Variants in GALNT13 observed in about 807,000 individuals in gnomAD.
The protein encoded by GALNT13 is UDP-GalNAc:polypeptide N-acetylgalactosaminyltransferase 13.
In GALNT13, 28 loss-of-function variants were observed where a neutral mutation model predicts 64.2. That is an observed-to-expected ratio of 0.44 (90% CI 0.32 to 0.60). The LOEUF (loss-of-function observed/expected upper bound fraction) is 0.60. Among genes scored for constraint, GALNT13 ranks in the 20% least tolerant of loss-of-function variants. GALNT13 has a pLI of 0.05. For missense variants in GALNT13, 577 were observed against 669.8 expected (o/e 0.86, Z 1.53); for synonymous variants, 214 against 224.6 (o/e 0.95, Z 0.42).
chr2:154,004,220 T>A (rs2105229030), intron 3 of GALNT13, among the ~76,000 whole-genome samples: 1 of 152,140 alleles, frequency 6.6e-6, no homozygotes, highest in Admixed American at 6.5e-5. Context: ...TTTTTTGTTT[T>A]TTTTGAGACG....
chr2:153,842,022 G>A, the GALNT13 span, among the ~76,000 whole-genome samples: 2 of 152,086 alleles, frequency 1.3e-5, no homozygotes, highest in African/African-American at 4.8e-5. Context: ...ACAGTGGGTG[G>A]TGGGGAGCAG....
At chr2:153,154,587 A>C in the GALNT13 span, among the ~76,000 whole-genome samples, 1 of 152,090 alleles carries the variant, frequency 6.6e-6, no homozygotes, top group South Asian at 2.1e-4. Flanking sequence ...TGATTTTTGC[A>C]CATTGACTTT....
At chr2:153,663,992 A>G in the GALNT13 span, among the ~76,000 whole-genome samples, 1 of 152,228 alleles carries the variant, frequency 6.6e-6, no homozygotes, top group African/African-American at 2.4e-5. Flanking sequence ...CACAAAGATC[A>G]CATGCTTCAA....
At chr2:154,319,563 G>T (rs1694511227) in intron 9 of GALNT13, among the ~76,000 whole-genome samples, 1 of 151,860 alleles carries the variant, frequency 6.6e-6, no homozygotes, top group Non-Finnish European at 1.5e-5. Context: ...TACTTGGGAA[G>T]CTGAGGCAGG....
chr2:153,461,202 G>A, the GALNT13 span, among the ~76,000 whole-genome samples: 3 of 151,956 alleles, frequency 2.0e-5, no homozygotes, highest in African/African-American at 7.3e-5. Flanking sequence ...GAGAGAAGAG[G>A]GGAAAAATGT....
At chr2:153,358,563 A>G in the GALNT13 span, among the ~76,000 whole-genome samples, 1 of 152,186 alleles carries the variant, frequency 6.6e-6, no homozygotes, top group Non-Finnish European at 1.5e-5. Flanking sequence ...ACCTGTTTGA[A>G]AAATAGCTGA....
At chr2:153,984,022 T>C (rs913605157) in intron 3 of GALNT13, among the ~76,000 whole-genome samples, 3 of 151,948 alleles carry the variant, frequency 2.0e-5, no homozygotes, top group Non-Finnish European at 2.9e-5. Context: ...ATCTTTAATT[T>C]TAAAGTCTCT....
At chr2:154,299,806 A>C (rs1693323070) in intron 8 of GALNT13, among the ~76,000 whole-genome samples, 1 of 151,958 alleles carries the variant, frequency 6.6e-6, no homozygotes, top group Admixed American at 6.6e-5. Flanking sequence ...CTGTCTTTTA[A>C]GGGGGAGGAA....
At chr2:154,021,001 C>T (rs1284962179) in intron 3 of GALNT13, among the ~76,000 whole-genome samples, 5 of 151,976 alleles carry the variant, frequency 3.3e-5, no homozygotes, top group Admixed American at 6.6e-5. Context: ...GTCAAAGATC[C>T]GACAGTTGTA....
chr2:153,404,109 T>C, the GALNT13 span, among the ~76,000 whole-genome samples: 20 of 152,302 alleles, frequency 1.3e-4, no homozygotes, highest in African/African-American at 1.9e-4. Context: ...TGGCAAACCA[T>C]AGTGGCTTGT....
chr2:153,816,237 G>A, the GALNT13 span, among the ~76,000 whole-genome samples: 4 of 152,200 alleles, frequency 2.6e-5, no homozygotes, highest in African/African-American at 4.8e-5. Flanking sequence ...CCGAATCTGA[G>A]GTCATGATGT....
At chr2:154,255,689 A>G (rs1690333140) in intron 7 of GALNT13, among the ~76,000 whole-genome samples, 1 of 152,074 alleles carries the variant, frequency 6.6e-6, no homozygotes, top group Non-Finnish European at 1.5e-5. Flanking sequence ...TTTAGATTTC[A>G]TGATTGAGAT....
At chr2:154,259,676 T>C (rs1345074819) in intron 8 of GALNT13, among the ~76,000 whole-genome samples, 3 of 152,194 alleles carry the variant, frequency 2.0e-5, no homozygotes, top group Non-Finnish European at 4.4e-5. Flanking sequence ...AATTGAGGAA[T>C]AAGTCCTTAC....
intron 4 of GALNT13, among the ~76,000 whole-genome samples, chr2:154,187,442 G>A (rs888338429): frequency 3.3e-5 from 5 of 150,300 alleles, no homozygotes; most frequent in Non-Finnish European, 3.0e-5. Flanking sequence ...GAAACCTCAG[G>A]TGGAATCCAC....
intron 8 of GALNT13, chr2:154,287,304 G>A (rs1252304334): frequency 1.5e-6 from 1 of 668,472 alleles, no homozygotes; most frequent in Non-Finnish European, 2.7e-6. Context: ...GCCATGGCGG[G>A]GACAGTCTGA....
chr2:153,933,795 G>C, intron 2 of GALNT13, among the ~76,000 whole-genome samples: 1 of 152,156 alleles, frequency 6.6e-6, no homozygotes, highest in East Asian at 1.9e-4. Flanking sequence ...GTGGGTCTGT[G>C]ATAACAAATT....
intron 3 of GALNT13, among the ~76,000 whole-genome samples, chr2:153,959,437 G>A (rs1692790991): frequency 6.6e-6 from 1 of 152,118 alleles, no homozygotes; most frequent in South Asian, 2.1e-4. Flanking sequence ...AAATGTAAGA[G>A]TGCACATCAA....
At chr2:153,818,331 G>A in the GALNT13 span, among the ~76,000 whole-genome samples, 2 of 152,178 alleles carry the variant, frequency 1.3e-5, no homozygotes, top group African/African-American at 2.4e-5. Context: ...GCCAGCTGCT[G>A]TATCCCCAAT....
chr2:154,037,307 A>G (rs767981816), intron 3 of GALNT13, among the ~76,000 whole-genome samples: 2 of 152,124 alleles, frequency 1.3e-5, no homozygotes. Context: ...CTTATTGCCC[A>G]TGGTAGTACA....
Sources: allele counts gnomAD v4.1 joint callset (sites outside exome capture counted in the v4.1 genomes callset), GRCh38; gene constraint gnomAD v4.1.1; transcripts MANE v1.5; gene names NCBI Gene and HGNC (gene_info 2026-07-23, HGNC 2026-07-21).